Variants in NCOR1 observed in about 807,000 individuals in gnomAD.
The protein encoded by NCOR1 is nuclear receptor corepressor 1.
A neutral mutation model predicts 288.1 loss-of-function variants in NCOR1; 63 were observed. The observed-to-expected ratio is 0.22, with a 90% CI of 0.18 to 0.27. NCOR1 has a LOEUF of 0.27. Ranked by LOEUF, NCOR1 falls within the 10% of genes least tolerant of loss-of-function variation. The probability of loss-of-function intolerance (pLI) is 1.00; values close to 1 mark genes in which losing one functional copy is unlikely to be tolerated. For missense variants in NCOR1, 2,397 were observed against 3,019.2 expected, an observed-to-expected ratio of 0.79 and a Z score of 4.83; for synonymous variants, 1,007 against 1,065.9, an observed-to-expected ratio of 0.94 and a Z score of 1.08.
At chr17:16,096,058 G>A (rs2066553015) in intron 21 of NCOR1, among the ~76,000 whole-genome samples, 3 of 152,252 alleles carry the variant, frequency 2.0e-5, no homozygotes, top group Non-Finnish European at 4.4e-5. Context: ...AACATGTGCT[G>A]TGTCCACTCA....
chr17:16,171,830 C>T lies in NCOR1; in HGVS notation c.408G>A (p.Gly136=). 2 of 1,608,322 alleles carry T rather than the reference C, an allele frequency of 1.2e-6. No individual in the cohort carries two copies. The highest frequency in any genetic ancestry group is 1.1e-5 in the South Asian group (1 of 90,124). Residue 136 remains glycine (G), a synonymous_variant, in exon 4 of 46, where the codon GGG becomes GGA. Coordinates refer to ENST00000268712, the MANE Select transcript of NCOR1 (RefSeq NM_006311.4). The part of the protein sequence containing the change: ...VLPLVHPLPE[G]LRASADAKKD... ...TCTTAGCATCTGCAGAAGCCCTCAG[C>T]CCTTCTGGCAGCGGGTGCACTAAAG...
At chr17:16,202,777 C>T (rs2153588091) in intron 1 of NCOR1, among the ~76,000 whole-genome samples, 1 of 152,286 alleles carries the variant, frequency 6.6e-6, no homozygotes, top group East Asian at 1.9e-4. Context: ...GACCCACTAA[C>T]AGAGACTACA....
At chr17:16,166,099 T>G (rs2081956754) in intron 4 of NCOR1, among the ~76,000 whole-genome samples, 1 of 152,176 alleles carries the variant, frequency 6.6e-6, no homozygotes, top group Non-Finnish European at 1.5e-5. Context: ...TAATATACAC[T>G]GATGAAAAGC....
chr17:16,212,792 C>G (rs2092255016), intron 1 of NCOR1, among the ~76,000 whole-genome samples: 1 of 152,046 alleles, frequency 6.6e-6, no homozygotes, highest in South Asian at 2.1e-4. Flanking sequence ...GCTTTTAAGG[C>G]CGGGTGCAGT....
intron 3 of NCOR1, among the ~76,000 whole-genome samples, chr17:16,178,498 CAAAAAAAAAAAA>C (rs564320622): frequency 1.2e-4 from 4 of 32,788 alleles, no homozygotes; most frequent in South Asian, 1.1e-3. Context: ...GACTCCGTCT[CAAAAAAAAAAAA>C]AAAAAAAAAA....
chr17:16,127,213 C>CA (rs2074290480), intron 14 of NCOR1, among the ~76,000 whole-genome samples: 3 of 118,768 alleles, frequency 2.5e-5, no homozygotes, highest in African/African-American at 1.4e-4. Flanking sequence ...ATGTATATAT[C>CA]TGTATGTATA....
At chr17:16,184,791 A>G (rs1360036596) in intron 3 of NCOR1, among the ~76,000 whole-genome samples, 1 of 152,148 alleles carries the variant, frequency 6.6e-6, no homozygotes, top group African/African-American at 2.4e-5. Context: ...ATTATTCACA[A>G]TAGCCAAGAT....
At chr17:16,124,223 A>G (rs973203915) in intron 15 of NCOR1, among the ~76,000 whole-genome samples, 2 of 150,830 alleles carry the variant, frequency 1.3e-5, no homozygotes, top group Non-Finnish European at 3.0e-5. Context: ...GACTATAGAT[A>G]TAACATAATA....
intron 18 of NCOR1, among the ~76,000 whole-genome samples, chr17:16,115,378 A>G (rs184409618): frequency 2.0e-5 from 3 of 152,210 alleles, no homozygotes; most frequent in Non-Finnish European, 4.4e-5. Flanking sequence ...GCTCCTCATT[A>G]CTTATGCAAA....
At chr17:16,055,219 G>A (rs1169061213) in intron 40 of NCOR1, among the ~76,000 whole-genome samples, 2 of 152,160 alleles carry the variant, frequency 1.3e-5, no homozygotes, top group African/African-American at 2.4e-5. Context: ...AAAGACACAT[G>A]CACATGTATG....
chr17:16,118,205 T>C (rs2072124836), intron 17 of NCOR1, among the ~76,000 whole-genome samples, 178 bp from the exon 18 acceptor site: 1 of 152,194 alleles, frequency 6.6e-6, no homozygotes, highest in Non-Finnish European at 1.5e-5. Context: ...CAAAACTCAT[T>C]TACAGTTCTA....
chr17:16,046,836 T>C, intron 42 of NCOR1, 115 bp downstream of exon 42: 2 of 1,228,712 alleles, frequency 1.6e-6, no homozygotes, highest in South Asian at 3.0e-5. Flanking sequence ...TCAGATGTGT[T>C]GGACAGATGT....
chr17:16,057,464 T>C, intron 40 of NCOR1, 50 bp downstream of exon 40: 1 of 1,539,068 alleles, frequency 6.5e-7, no homozygotes, highest in South Asian at 1.1e-5. Flanking sequence ...ATATATTCCA[T>C]TTGTTTTACT....
intron 35 of NCOR1, among the ~76,000 whole-genome samples, chr17:16,063,464 T>C (rs2060766445): frequency 6.6e-6 from 1 of 152,206 alleles, no homozygotes. Context: ...ATTATAGGCA[T>C]GAGCCACCAT....
intron 5 of NCOR1, among the ~76,000 whole-genome samples, chr17:16,161,632 G>T (rs2153429002): frequency 1.3e-5 from 2 of 152,130 alleles, no homozygotes; most frequent in African/African-American, 4.8e-5. Flanking sequence ...CAATGTATTT[G>T]CCATGTTTTA....
intron 11 of NCOR1, among the ~76,000 whole-genome samples, chr17:16,139,972 A>T (rs532305276): frequency 6.6e-6 from 1 of 152,334 alleles, no homozygotes. Flanking sequence ...GGACACTCTC[A>T]ATCAGTTTGA....
At chr17:16,181,207 A>ATATGTGTGTGTG (rs1555787631) in intron 3 of NCOR1, among the ~76,000 whole-genome samples, 1 of 85,716 alleles carries the variant, frequency 1.2e-5, no homozygotes, top group South Asian at 5.0e-4. Flanking sequence ...ATACATATAT[A>ATATGTGTGTGTG]TGTATGTGTG....
chr17:16,180,263 T>C (rs192324006), intron 3 of NCOR1, among the ~76,000 whole-genome samples: 12 of 152,274 alleles, frequency 7.9e-5, no homozygotes, highest in Admixed American at 7.2e-4. Context: ...ATGGCTATTC[T>C]CCAAAAGACA....
rs1567950093 is a variant in NCOR1, at chr17:16,091,878, T to C, written c.3001A>G (p.Asn1001Asp). 1.2e-6 allele frequency: 2 copies of C among 1,614,154 alleles called. No individual in the cohort carries two copies. The highest frequency in any genetic ancestry group is 1.1e-5 in the South Asian group (1 of 91,080). The change falls in exon 22 of 46, where the codon AAC (asparagine) becomes GAC (aspartate). Residue 1001 changes from asparagine (N) to aspartate (D), a missense_variant. Asn to Asp is a conservative substitution (Grantham distance 23, BLOSUM62 1). Transcript: ENST00000268712. ...ATCTACCTACCTTCCCACTCTCTGT[T>C]TGGACTCTTGGATGTGCCACATGGA... ...TSPCGTSKSP[N>D]REWEVLQPAP...
Sources: gnomAD v4.1 joint callset for allele counts (sites outside exome capture counted in the v4.1 genomes callset) on GRCh38, gnomAD v4.1.1 for gene constraint, MANE v1.5 for transcripts, NCBI Gene and HGNC (gene_info 2026-07-23, HGNC 2026-07-21) for gene names.